Variants in SLC26A7 observed in about 807,000 individuals in gnomAD.
SLC26A7 encodes the protein anion exchange transporter.
SLC26A7 carries 59 observed loss-of-function variants against 82.5 expected under a neutral mutation model. That is an observed-to-expected ratio of 0.72 (90% CI 0.58 to 0.89). SLC26A7 has a LOEUF of 0.89. Ranked by LOEUF, SLC26A7 falls within the 40% of genes least tolerant of loss-of-function variation. The pLI, the probability that SLC26A7 is intolerant of heterozygous loss-of-function variation, is 0.00. For missense variants in SLC26A7, 820 were observed against 793.0 expected (o/e 1.03, Z -0.41); for synonymous variants, 271 against 274.3 (o/e 0.99, Z 0.12).
chr8:91,380,929 T>C (rs1814653676), intron 15 of SLC26A7, among the ~76,000 whole-genome samples: 1 of 152,176 alleles, frequency 6.6e-6, no homozygotes, highest in African/African-American at 2.4e-5. Context: ...TTGTGACATA[T>C]TTATACAATT....
chr8:91,279,461 C>A (rs947359792), intron 2 of SLC26A7, among the ~76,000 whole-genome samples: 1 of 152,120 alleles, frequency 6.6e-6, no homozygotes, highest in Non-Finnish European at 1.5e-5. Context: ...CAACACTTAT[C>A]TTTTGTCTTT....
At chr8:91,286,832 A>G (rs1811724532) in intron 2 of SLC26A7, among the ~76,000 whole-genome samples, 1 of 152,172 alleles carries the variant, frequency 6.6e-6, no homozygotes, top group African/African-American at 2.4e-5. Flanking sequence ...TAACCAGTTT[A>G]TATTATGAAC....
intron 2 of SLC26A7, among the ~76,000 whole-genome samples, chr8:91,261,122 GTAAT>G (rs2130716006): frequency 6.6e-6 from 1 of 152,196 alleles, no homozygotes; most frequent in East Asian, 1.9e-4. Context: ...TTTTTTATGT[GTAAT>G]TCTTGGAAGT....
At chr8:91,258,050 C>T (rs1306163728) in intron 2 of SLC26A7, among the ~76,000 whole-genome samples, 1 of 151,978 alleles carries the variant, frequency 6.6e-6, no homozygotes, top group Admixed American at 6.6e-5. Flanking sequence ...ATGAGAACAG[C>T]ATGGGGGAAA....
At chr8:91,379,652 T>C (rs1270823612) in intron 15 of SLC26A7, among the ~76,000 whole-genome samples, 3 of 152,126 alleles carry the variant, frequency 2.0e-5, no homozygotes, top group Non-Finnish European at 4.4e-5. Flanking sequence ...ACCACACATA[T>C]GTATGAGGTA....
chr8:91,365,387 A>G (rs931982784), intron 13 of SLC26A7, among the ~76,000 whole-genome samples: 17 of 152,226 alleles, frequency 1.1e-4, no homozygotes, highest in Non-Finnish European at 1.5e-4. Flanking sequence ...ATTCAAAGCC[A>G]TCCTAGGTGG....
chr8:91,262,195 T>G (rs190853483), intron 2 of SLC26A7, among the ~76,000 whole-genome samples: 387 of 152,102 alleles, frequency 2.5e-3, no homozygotes, highest in Admixed American at 4.7e-3. Flanking sequence ...TTAGGTCCGG[T>G]TTGAGGAGTT....
At chr8:91,349,807 T>A (rs1247558736) in intron 9 of SLC26A7, among the ~76,000 whole-genome samples, 1 of 152,178 alleles carries the variant, frequency 6.6e-6, no homozygotes, top group Non-Finnish European at 1.5e-5. Context: ...TTGTCTTTTG[T>A]CTTAAAATAA....
chr8:91,238,452 A>G (rs1001413608), intron 2 of SLC26A7, among the ~76,000 whole-genome samples: 3 of 151,734 alleles, frequency 2.0e-5, no homozygotes, highest in Admixed American at 6.6e-5. Flanking sequence ...TTATTGATGT[A>G]TATGATATAG....
chr8:91,301,475 T>G (rs1812163011), intron 4 of SLC26A7, among the ~76,000 whole-genome samples: 2 of 152,118 alleles, frequency 1.3e-5, no homozygotes, highest in African/African-American at 4.8e-5. Context: ...AATTATATTT[T>G]TATCTATCTT....
intron 2 of SLC26A7, among the ~76,000 whole-genome samples, chr8:91,286,085 C>T (rs1811702205): frequency 6.6e-6 from 1 of 152,122 alleles, no homozygotes. Flanking sequence ...GTGATCTCAG[C>T]CAAAAGATTA....
chr8:91,303,036 GA>G (rs1812211350), intron 4 of SLC26A7, among the ~76,000 whole-genome samples: 2 of 152,036 alleles, frequency 1.3e-5, no homozygotes, highest in Admixed American at 6.5e-5. Flanking sequence ...TGTCTCATAA[GA>G]AAGTCTTTTA....
At chr8:91,232,092 C>T (rs1810317798) in intron 2 of SLC26A7, among the ~76,000 whole-genome samples, 2 of 152,050 alleles carry the variant, frequency 1.3e-5, no homozygotes, top group African/African-American at 4.8e-5. Flanking sequence ...TTAAGAAAAA[C>T]AAAATGAATC....
intron 3 of SLC26A7, among the ~76,000 whole-genome samples, chr8:91,292,326 A>G (rs575215231): frequency 1.4e-4 from 22 of 151,926 alleles, no homozygotes; most frequent in Admixed American, 5.2e-4. Flanking sequence ...AAAAAAGAAG[A>G]TAATTTTCCC....
rs1382744780 is a variant in SLC26A7, at chr8:91,279,125, G to GTGTGTGTATA, written c.194-10010_194-10009insGTGTGTATAT. Among the ~76,000 whole-genome samples the GTGTGTGTATA allele has an allele frequency of 9.2e-4, 102 of 111,260 alleles. 1 individual carries two copies. Among genetic ancestry groups the GTGTGTGTATA allele is most frequent in the Middle Eastern group, 4.7e-3 (1 of 212 alleles). 73.0% of individuals were successfully genotyped at this position (111,260 alleles called of 152,430 possible). A position where few individuals can be genotyped will look rare whatever the true frequency, so the allele number is the denominator to read the frequency against. On this transcript the variant is annotated intron_variant, in intron 2 of 18. Transcript: ENST00000276609. ...TATTTCATAGTATGTGTGTGTGTGT[G>GTGTGTGTATA]TATATATATATATATATATATATAT... is the stretch of plus-strand genomic sequence containing the variant.
intron 5 of SLC26A7, among the ~76,000 whole-genome samples, chr8:91,324,796 T>C (rs1812890633): frequency 6.6e-6 from 1 of 152,152 alleles, no homozygotes; most frequent in African/African-American, 2.4e-5. Flanking sequence ...GTGGGTCTGC[T>C]TAGATAAGAT....
chr8:91,309,428 G>A (rs1172786036), intron 4 of SLC26A7, among the ~76,000 whole-genome samples: 1 of 151,488 alleles, frequency 6.6e-6, no homozygotes, highest in African/African-American at 2.4e-5. Context: ...TCCCCCTCCA[G>A]CAGTGAGAAC....
Position 91,249,730 on chromosome 8 carries a change from T to A in SLC26A7, c.79T>A (p.Trp27Arg), listed in dbSNP as rs747722623. The change falls in exon 2 of 19, where the codon TGG becomes AGG. Residue 27 changes from tryptophan to arginine, a missense_variant. Transcript: ENST00000276609. ...CCCCCAGTGTGAAGACATTATACAGTGGTGTAGAAGGCGACTGCCCATTTT... is the reference window on the plus strand; with the variant it reads ...CCCCCAGTGTGAAGACATTATACAGAGGTGTAGAAGGCGACTGCCCATTTT... Reference protein sequence around the residue: ...HTPQCEDIIQWCRRRLPILDW... With the variant: ...HTPQCEDIIQRCRRRLPILDW... The A allele has an allele frequency of 6.2e-7, 1 of 1,612,016 alleles. No homozygotes were observed. The highest frequency in any genetic ancestry group is 1.1e-5 in the South Asian group (1 of 90,830).
chr8:91,288,550 C>T (rs529259246), intron 2 of SLC26A7, among the ~76,000 whole-genome samples: 20 of 152,132 alleles, frequency 1.3e-4, no homozygotes, highest in Non-Finnish European at 2.8e-4. Flanking sequence ...CACTCTAAGA[C>T]ACTGTACCTG....
Sources: allele counts gnomAD v4.1 joint callset (sites outside exome capture counted in the v4.1 genomes callset), GRCh38; gene constraint gnomAD v4.1.1; transcripts MANE v1.5; gene names NCBI Gene and HGNC (gene_info 2026-07-23, HGNC 2026-07-21).